ESRRG: variants seen among roughly 807,000 people sequenced by gnomAD.
ESRRG encodes the protein estrogen related receptor gamma.
ESRRG carries 13 observed loss-of-function variants against 44.0 expected under a neutral mutation model. That is an observed-to-expected ratio of 0.30 (90% confidence interval 0.19 to 0.47). The LOEUF (loss-of-function observed/expected upper bound fraction) is 0.47. Among genes scored for constraint, ESRRG ranks in the 20% least tolerant of loss-of-function variants. ESRRG has a pLI of 1.00. For synonymous variants in ESRRG, 215 were observed against 214.6 expected (o/e 1.00, Z -0.02); for missense variants, 395 against 580.6 (o/e 0.68, Z 3.29).
chr1:216,695,574 A>T (rs2079981865), intron 1 of ESRRG, among the ~76,000 whole-genome samples: 1 of 152,200 alleles, frequency 6.6e-6, no homozygotes. Flanking sequence ...CCAGTACTTC[A>T]TGTTATGCTG....
At chr1:216,812,453 G>A (rs149798125) in intron 2 of ESRRG, among the ~76,000 whole-genome samples, 4 of 152,116 alleles carry the variant, frequency 2.6e-5, no homozygotes, top group African/African-American at 9.6e-5. Flanking sequence ...GCAGAGCTGT[G>A]TGTTCATGTA....
intron 3 of ESRRG, among the ~76,000 whole-genome samples, chr1:216,624,757 GAC>G (rs930003051): frequency 6.6e-6 from 1 of 151,990 alleles, no homozygotes; most frequent in Non-Finnish European, 1.5e-5. Flanking sequence ...TTTTGATTTG[GAC>G]ACCCCATTAT....
At chr1:217,025,166 G>A (rs1392292444) in intron 1 of ESRRG, among the ~76,000 whole-genome samples, 6 of 152,136 alleles carry the variant, frequency 3.9e-5, no homozygotes, top group Non-Finnish European at 7.3e-5. Context: ...GTTAAAAAAC[G>A]TATTTAGAAA....
intron 1 of ESRRG, among the ~76,000 whole-genome samples, chr1:217,021,540 A>G (rs1250385693): frequency 6.6e-6 from 1 of 152,220 alleles, no homozygotes; most frequent in Non-Finnish European, 1.5e-5. Flanking sequence ...GAAGGGCTTC[A>G]GGTCTAGGGT....
At chr1:217,135,195 G>T (rs116163026) in intron 1 of ESRRG, among the ~76,000 whole-genome samples, 2,496 of 151,254 alleles carry the variant, frequency 0.017, 83 homozygotes, top group African/African-American at 0.057. Flanking sequence ...CCCCCAGCGC[G>T]CGGGGCAGCC....
intron 2 of ESRRG, among the ~76,000 whole-genome samples, chr1:216,749,816 A>T (rs1033542545): frequency 9.2e-5 from 14 of 152,308 alleles, no homozygotes; most frequent in Non-Finnish European, 2.1e-4. Flanking sequence ...TCAAATGCTA[A>T]TTGGCAAATA....
At chr1:216,656,991 C>G (rs2070771033) in intron 2 of ESRRG, among the ~76,000 whole-genome samples, 1 of 152,080 alleles carries the variant, frequency 6.6e-6, no homozygotes, top group South Asian at 2.1e-4. Context: ...AGGCAATAAT[C>G]TGTAGTATTT....
intron 2 of ESRRG, among the ~76,000 whole-genome samples, chr1:216,873,002 T>C (rs1411099464): frequency 1.3e-5 from 2 of 152,166 alleles, no homozygotes; most frequent in Non-Finnish European, 1.5e-5. Flanking sequence ...CCAACTGACC[T>C]TCTCATGGCT....
At chr1:216,897,000 C>T (rs1452913805) in intron 2 of ESRRG, among the ~76,000 whole-genome samples, 2 of 152,034 alleles carry the variant, frequency 1.3e-5, no homozygotes, top group African/African-American at 4.8e-5. Context: ...TCTTTTTTTG[C>T]CACATTTTGG....
chr1:216,655,537 T>G (rs2070269120), intron 2 of ESRRG, among the ~76,000 whole-genome samples: 1 of 152,124 alleles, frequency 6.6e-6, no homozygotes, highest in Admixed American at 6.6e-5. Flanking sequence ...GTATAAAAAT[T>G]TCACCATGAA....
upstream of ESRRG, among the ~76,000 whole-genome samples, chr1:216,727,812 A>AT (rs2087857557): frequency 6.6e-6 from 1 of 152,020 alleles, no homozygotes; most frequent in Non-Finnish European, 1.5e-5. Context: ...GAGCCTATAT[A>AT]TAAAAAAAAG....
chr1:216,858,902 T>C (rs1025906272), intron 2 of ESRRG, among the ~76,000 whole-genome samples: 3 of 152,334 alleles, frequency 2.0e-5, no homozygotes, highest in African/African-American at 7.2e-5. Flanking sequence ...ACTGATATAT[T>C]GGCTCTGACC....
At chr1:217,133,637 CTCTCTCTCTCTTTCTT>C (rs1190257663) in intron 1 of ESRRG, among the ~76,000 whole-genome samples, 3 of 40,342 alleles carry the variant, frequency 7.4e-5, no homozygotes, top group African/African-American at 1.1e-4. Flanking sequence ...TTCTTTCTCT[CTCTCTCTCTCTTTCTT>C]TCTTTCTTTC....
intron 1 of ESRRG, among the ~76,000 whole-genome samples, chr1:216,966,658 G>A (rs754020525): frequency 6.6e-6 from 1 of 152,004 alleles, no homozygotes; most frequent in Non-Finnish European, 1.5e-5. Context: ...TCCGGCTCTT[G>A]TTTTCTTATC....
intron 2 of ESRRG, among the ~76,000 whole-genome samples, chr1:216,910,595 C>T (rs1325970556): frequency 2.0e-5 from 3 of 152,138 alleles, no homozygotes; most frequent in African/African-American, 7.2e-5. Context: ...AAAAATTTGG[C>T]ATTTCTAATA....
At chr1:216,629,261 C>A (rs1454371105) in intron 3 of ESRRG, among the ~76,000 whole-genome samples, 2 of 152,166 alleles carry the variant, frequency 1.3e-5, no homozygotes, top group African/African-American at 4.8e-5. Flanking sequence ...ATGAGAGAAA[C>A]ATCAGCACAT....
chr1:217,120,633 T>C (rs944867096), intron 1 of ESRRG, among the ~76,000 whole-genome samples: 1 of 152,150 alleles, frequency 6.6e-6, no homozygotes, highest in African/African-American at 2.4e-5. Context: ...CACAGCCCCA[T>C]TGAACTAGGT....
chr1:217,054,568 G>A (rs144236393), intron 1 of ESRRG, among the ~76,000 whole-genome samples: 41 of 152,220 alleles, frequency 2.7e-4, no homozygotes, highest in Non-Finnish European at 2.4e-4. Flanking sequence ...ATCTTCTAAT[G>A]GAAGAAAAAC....
chr1:216,827,819 G>A (rs2095423253), intron 2 of ESRRG, among the ~76,000 whole-genome samples: 2 of 151,914 alleles, frequency 1.3e-5, no homozygotes, highest in African/African-American at 4.9e-5. Context: ...CAAGTTAAAT[G>A]GGAAGGGAAA....
Sources: gnomAD v4.1 joint callset for allele counts (sites outside exome capture counted in the v4.1 genomes callset) on GRCh38, gnomAD v4.1.1 for gene constraint, MANE v1.5 for transcripts, NCBI Gene and HGNC (gene_info 2026-07-23, HGNC 2026-07-21) for gene names.